The following SAMSN1 variants were observed in gnomAD, a reference collection of about 807,000 sequenced individuals.
The protein encoded by SAMSN1 is SAM domain-containing protein SAMSN-1.
In SAMSN1, 31 loss-of-function variants were observed where a neutral mutation model predicts 42.0. The observed-to-expected ratio is 0.74, with a 90% CI of 0.55 to 1.00. The LOEUF (loss-of-function observed/expected upper bound fraction) is 1.00, where lower values mean the gene tolerates loss of function less well. SAMSN1 is among the 50% of genes least tolerant of loss of function. SAMSN1 has a pLI of 0.00. For missense variants in SAMSN1, 464 were observed against 439.4 expected, an observed-to-expected ratio of 1.06 and a Z score of -0.50; for synonymous variants, 178 against 151.9, an observed-to-expected ratio of 1.17 and a Z score of -1.26.
At chr21:14,612,922 A>T in intron 3 of SAMSN1, 1 of 696,198 alleles carries the variant, frequency 1.4e-6, no homozygotes, top group East Asian at 2.7e-5. Flanking sequence ...ACCTGGAAGA[A>T]TAAAAGAAAA....
rs1196205623 is a variant in SAMSN1 at position 14,642,911 on chromosome 21, A to AT, written c.156+90dup. The AT allele has an allele frequency of 1.4e-3, 813 of 601,412 alleles. 10 individuals carry two copies. The highest frequency in any genetic ancestry group is 1.5e-4 in the Non-Finnish European group (48 of 327,208). The allele number at this position is 601,412 out of a possible 1,614,324, so 37.3% of individuals were successfully genotyped here. A position where few individuals can be genotyped will look rare whatever the true frequency, so the allele number is the denominator to read the frequency against. On this transcript the variant is annotated intron_variant, in intron 2 of 15. Coordinates refer to the SAMSN1 transcript ENST00000647101. ...AGGAATAACTTTCTGAGAACAGTGA[A>AT]TTTTTGCTGTATTAATAAGTATCAT...
In SAMSN1 at chr21:14,645,178, C is replaced by T. The variant is rs537751020; in HGVS notation, c.25-2045G>A. 8.2e-4 allele frequency among the ~76,000 whole-genome samples: 125 copies of T among 152,308 alleles called. No individual in the cohort carries two copies. In the Middle Eastern group the frequency reaches 0.01, roughly 12 times the overall value. On this transcript the variant is annotated intron_variant, in intron 1 of 15. Transcript: ENST00000647101. ...CGCTTTGAGTGAACACAGGCAGTAGCCAGGGAGTGGTTACAGCAGGCCTTG... is the reference window on the plus strand; with the variant it reads ...CGCTTTGAGTGAACACAGGCAGTAGTCAGGGAGTGGTTACAGCAGGCCTTG...
rs941795734 is a variant in SAMSN1, at chr21:14,594,962, C to G, written c.400-884G>C. 3.3e-5 allele frequency among the ~76,000 whole-genome samples: 5 copies of G among 152,180 alleles called. No homozygotes were observed. In the East Asian group the frequency reaches 9.7e-4, roughly 29 times the overall value. On this transcript the variant is annotated intron_variant, in intron 6 of 15. Coordinates refer to the SAMSN1 transcript ENST00000647101. Reference sequence around the variant, plus strand: ...TGCTGTAGGGGAGGCCTCAGGAAGCCTCCAGTCATGGTGGAAGGCAAAGGG... The same window carrying G: ...TGCTGTAGGGGAGGCCTCAGGAAGCGTCCAGTCATGGTGGAAGGCAAAGGG...
intron 7 of SAMSN1, chr21:14,496,458 C>G (rs1986919261): frequency 6.6e-6 from 1 of 152,196 alleles, no homozygotes; most frequent in Non-Finnish European, 1.5e-5. Flanking sequence ...CTCTTCTCCT[C>G]CCTGTACTTC....
At chr21:14,582,214 G>A in exon 2 of SAMSN1, 2 of 1,550,794 alleles carry the variant, frequency 1.3e-6, no homozygotes, top group South Asian at 1.2e-5. Context: ...AGTGGTCCCA[G>A]GGTCCAACTT....
At chr21:14,630,527 T>TG (rs1983302101) in intron 2 of SAMSN1, among the ~76,000 whole-genome samples, 9 of 152,280 alleles carry the variant, frequency 5.9e-5, no homozygotes, top group Middle Eastern at 3.4e-3. Flanking sequence ...TATTTTAACA[T>TG]AAGTCTCTAT....
intron 2 of SAMSN1, among the ~76,000 whole-genome samples, chr21:14,617,455 G>C (rs540105658): frequency 1.9e-4 from 29 of 152,156 alleles, no homozygotes; most frequent in Non-Finnish European, 4.1e-4. Context: ...TGAGGAAAGA[G>C]GATGGCCATC....
intron 2 of SAMSN1, among the ~76,000 whole-genome samples, chr21:14,556,405 G>A (rs919007222): frequency 2.0e-5 from 3 of 152,030 alleles, no homozygotes; most frequent in Non-Finnish European, 4.4e-5. Context: ...TGTTTTTAAT[G>A]AAAAAATGTG....
intron 2 of SAMSN1, among the ~76,000 whole-genome samples, chr21:14,624,060 G>A (rs1983095678): frequency 6.6e-6 from 1 of 152,154 alleles, no homozygotes; most frequent in African/African-American, 2.4e-5. Context: ...CAAAAAGAAA[G>A]ATGTTCTTTG....
chr21:14,541,924 G>T (rs1337811325), intron 1 of SAMSN1, among the ~76,000 whole-genome samples: 1 of 151,248 alleles, frequency 6.6e-6, no homozygotes, highest in Non-Finnish European at 1.5e-5. Flanking sequence ...GCTCAGGCAT[G>T]CTGACGCTGC....
At chr21:14,631,945 A>AGAAG (rs111991572) in intron 2 of SAMSN1, among the ~76,000 whole-genome samples, 65 of 152,026 alleles carry the variant, frequency 4.3e-4, no homozygotes, top group Admixed American at 6.6e-4. Flanking sequence ...AGAAGTAGGA[A>AGAAG]GAAGGAAGGA....
chr21:14,605,932 C>G (rs899616798), intron 5 of SAMSN1, among the ~76,000 whole-genome samples: 1 of 151,848 alleles, frequency 6.6e-6, no homozygotes, highest in African/African-American at 2.4e-5. Flanking sequence ...AGCTCCGCCT[C>G]CCAGGTTCAC....
intron 3 of SAMSN1, 104 bp downstream of exon 3, chr21:14,516,788 A>G (rs1310860495): frequency 1.1e-6 from 1 of 930,360 alleles, no homozygotes; most frequent in East Asian, 2.7e-5. Flanking sequence ...GAAGAAAACA[A>G]ATGCTTAAGT....
intron 2 of SAMSN1, among the ~76,000 whole-genome samples, chr21:14,627,149 G>C (rs1983201098): frequency 6.6e-6 from 1 of 152,058 alleles, no homozygotes; most frequent in Non-Finnish European, 1.5e-5. Flanking sequence ...AGGGGGAAGG[G>C]ATAGCATTAG....
At chr21:14,486,214 A>G in intron 7 of SAMSN1, 100 bp from the exon 8 acceptor site, 1 of 782,354 alleles carries the variant, frequency 1.3e-6, no homozygotes, top group South Asian at 1.6e-5. Context: ...AACTGTTCTA[A>G]CCATGACTTC....
chr21:14,642,977 C>T, intron 2 of SAMSN1: 1 of 713,474 alleles, frequency 1.4e-6, no homozygotes, highest in South Asian at 1.5e-5. Flanking sequence ...AAAAAAAAAT[C>T]CACTCCAGTC....
At chr21:14,524,850 A>G (rs901349064) in intron 1 of SAMSN1, among the ~76,000 whole-genome samples, 3 of 152,178 alleles carry the variant, frequency 2.0e-5, no homozygotes, top group Non-Finnish European at 4.4e-5. Context: ...AAAATGGAGA[A>G]AAGTGCAATA....
intron 5 of SAMSN1, among the ~76,000 whole-genome samples, chr21:14,510,063 C>T (rs1029396334): frequency 6.6e-6 from 1 of 151,520 alleles, no homozygotes; most frequent in African/African-American, 2.4e-5. Context: ...GGCGTGAACC[C>T]GGGAGGTGGA....
intron 1 of SAMSN1, among the ~76,000 whole-genome samples, chr21:14,657,408 A>G (rs1248580593): frequency 6.6e-6 from 1 of 151,782 alleles, no homozygotes; most frequent in Non-Finnish European, 1.5e-5. Flanking sequence ...TTTTTAAGTA[A>G]GTGCTCCCTT....
Sources: allele counts gnomAD v4.1 joint callset (sites outside exome capture counted in the v4.1 genomes callset), GRCh38; gene constraint gnomAD v4.1.1; transcripts MANE v1.5; gene names NCBI Gene and HGNC (gene_info 2026-07-23, HGNC 2026-07-21).